The following LHFPL3 variants were observed in gnomAD, a reference collection of about 807,000 sequenced individuals.
The protein encoded by LHFPL3 is LHFPL tetraspan subfamily member 3, also known as LHFPL tetraspan subfamily member 3 protein.
A neutral mutation model predicts 19.3 loss-of-function variants in LHFPL3; 5 were observed. The observed-to-expected ratio is 0.26, with a 90% CI of 0.14 to 0.54. The LOEUF is 0.54. Ranked by LOEUF, LHFPL3 falls within the 20% of genes least tolerant of loss-of-function variation. LHFPL3 has a pLI of 0.94. For synonymous variants in LHFPL3, 133 were observed against 126.2 expected, an observed-to-expected ratio of 1.05 and a Z score of -0.36; for missense variants, 249 against 307.4, an observed-to-expected ratio of 0.81 and a Z score of 1.42.
chr7:104,571,349 T>C (rs1790226703), intron 1 of LHFPL3, among the ~76,000 whole-genome samples: 3 of 152,134 alleles, frequency 2.0e-5, no homozygotes, highest in Admixed American at 1.3e-4. Flanking sequence ...AGTTTTTTTT[T>C]CCCAATTTTC....
At chr7:104,682,401 C>A (rs1792722494) in intron 1 of LHFPL3, among the ~76,000 whole-genome samples, 1 of 152,158 alleles carries the variant, frequency 6.6e-6, no homozygotes, top group African/African-American at 2.4e-5. Context: ...ATTTTAAGAT[C>A]CCCAGGTGAC....
chr7:104,667,458 C>T (rs995910327), intron 1 of LHFPL3, among the ~76,000 whole-genome samples: 5 of 152,154 alleles, frequency 3.3e-5, no homozygotes, highest in African/African-American at 9.7e-5. Context: ...TCCCAGCGGC[C>T]GCTTCTACTC....
chr7:104,431,363 A>G (rs1327222058), intron 1 of LHFPL3, among the ~76,000 whole-genome samples: 4 of 152,154 alleles, frequency 2.6e-5, no homozygotes, highest in Admixed American at 6.5e-5. Context: ...TGTTTCCCCA[A>G]TGAGACTCCT....
intron 1 of LHFPL3, among the ~76,000 whole-genome samples, chr7:104,572,929 A>T (rs555662272): frequency 1.3e-5 from 2 of 152,240 alleles, no homozygotes; most frequent in South Asian, 4.1e-4. Flanking sequence ...TAGAAATAGC[A>T]GGTCTAAAAG....
At chr7:104,603,948 C>T (rs1158795759) in intron 1 of LHFPL3, among the ~76,000 whole-genome samples, 1 of 152,184 alleles carries the variant, frequency 6.6e-6, no homozygotes, top group Non-Finnish European at 1.5e-5. Context: ...AGTTTCATGC[C>T]TGCAGCTCTT....
At chr7:104,896,856 C>T (rs768598145) in intron 2 of LHFPL3, among the ~76,000 whole-genome samples, 7 of 152,056 alleles carry the variant, frequency 4.6e-5, no homozygotes, top group East Asian at 3.9e-4. Context: ...GAGGCCAAGG[C>T]GGGTGGATCA....
chr7:104,386,402 A>G (rs1396401327), intron 1 of LHFPL3, among the ~76,000 whole-genome samples: 6 of 152,302 alleles, frequency 3.9e-5, no homozygotes, highest in South Asian at 2.1e-4. Flanking sequence ...TGAGATTCCG[A>G]TAACAACTGG....
chr7:104,425,577 G>A (rs1055898100), intron 1 of LHFPL3, among the ~76,000 whole-genome samples: 27 of 152,190 alleles, frequency 1.8e-4, no homozygotes, highest in Non-Finnish European at 1.3e-4. Context: ...GGGAAAAAGA[G>A]GGACAAGAAA....
chr7:104,769,746 G>A (rs956469266), intron 2 of LHFPL3, among the ~76,000 whole-genome samples: 1 of 152,008 alleles, frequency 6.6e-6, no homozygotes, highest in African/African-American at 2.4e-5. Flanking sequence ...TGTTGAGAAT[G>A]ATGGTTTCCA....
intron 2 of LHFPL3, among the ~76,000 whole-genome samples, chr7:104,773,149 G>C (rs1014439497): frequency 7.9e-5 from 12 of 152,248 alleles, no homozygotes; most frequent in African/African-American, 2.9e-4. Flanking sequence ...CTCTGAGCCA[G>C]AGAAGTCCCC....
intron 1 of LHFPL3, among the ~76,000 whole-genome samples, chr7:104,355,664 T>A (rs1213481451): frequency 6.6e-6 from 1 of 152,206 alleles, no homozygotes; most frequent in African/African-American, 2.4e-5. Context: ...AAAAATAAAA[T>A]TCTTTTTAAC....
intron 2 of LHFPL3, among the ~76,000 whole-genome samples, chr7:104,765,721 T>C (rs548705480): frequency 7.2e-4 from 110 of 152,348 alleles, no homozygotes; most frequent in African/African-American, 2.5e-3. Context: ...ATGATGACCT[T>C]GTAGCAGCAG....
At chr7:104,336,816 G>A (rs535384947) in intron 1 of LHFPL3, among the ~76,000 whole-genome samples, 2 of 152,206 alleles carry the variant, frequency 1.3e-5, no homozygotes, top group Admixed American at 6.5e-5. Flanking sequence ...ATCAATGAAA[G>A]GGCTAGTGGA....
Position 104,660,009 on chromosome 7 carries a change from T to TG in LHFPL3, c.446-76666_446-76665insG, listed in dbSNP as rs559813620. 1.8e-3 allele frequency among the ~76,000 whole-genome samples: 271 copies of TG among 151,732 alleles called. 1 individual carries two copies. The highest frequency in any genetic ancestry group is 5.9e-3 in the African/African-American group (243 of 41,452). On this transcript the variant is annotated intron_variant, in intron 1 of 2. Transcript: ENST00000424859. ...CCAGTTTGCCACAGCAACTCGTTTT[T>TG]TTTTTTTTTTGAGACGGAGTCTCAC...
intron 1 of LHFPL3, among the ~76,000 whole-genome samples, chr7:104,714,079 G>A (rs1247441576): frequency 2.0e-5 from 3 of 152,262 alleles, no homozygotes; most frequent in African/African-American, 2.4e-5. Flanking sequence ...TACTGCTCAA[G>A]GTTTTATTTA....
At chr7:104,668,103 T>C (rs1792394852) in intron 1 of LHFPL3, 1 of 1,613,958 alleles carries the variant, frequency 6.2e-7, no homozygotes, top group Non-Finnish European at 8.5e-7. Context: ...CTTTCGAGGA[T>C]TAAATATCAG....
intron 2 of LHFPL3, among the ~76,000 whole-genome samples, chr7:104,776,055 G>C (rs1399088895): frequency 1.3e-5 from 2 of 152,068 alleles, no homozygotes; most frequent in Non-Finnish European, 2.9e-5. Context: ...AAACTGGTTG[G>C]TACCAGACTA....
At chr7:104,736,475 C>G (rs1793822086) in intron 1 of LHFPL3, among the ~76,000 whole-genome samples, 200 bp from the exon 2 acceptor site, 1 of 151,452 alleles carries the variant, frequency 6.6e-6, no homozygotes, top group South Asian at 2.1e-4. Context: ...TTTACCTTAA[C>G]CAGCAACACA....
intron 1 of LHFPL3, among the ~76,000 whole-genome samples, chr7:104,495,701 G>A (rs1793460774): frequency 6.6e-6 from 1 of 152,036 alleles, no homozygotes; most frequent in Non-Finnish European, 1.5e-5. Context: ...TTTTTGTAGA[G>A]ACTGGTGGCG....
Sources: gnomAD v4.1 joint callset for allele counts (sites outside exome capture counted in the v4.1 genomes callset) on GRCh38, gnomAD v4.1.1 for gene constraint, MANE v1.5 for transcripts, NCBI Gene and HGNC (gene_info 2026-07-23, HGNC 2026-07-21) for gene names.